SERINC3: variants seen among roughly 807,000 people sequenced by gnomAD.
SERINC3 encodes serine incorporator 3, also known as tumor differentially expressed protein 1.
In SERINC3, 22 loss-of-function variants were observed where a neutral mutation model predicts 52.1. That is an observed-to-expected ratio of 0.42 (90% CI 0.30 to 0.60). The LOEUF (loss-of-function observed/expected upper bound fraction) is 0.60, where lower values mean the gene tolerates loss of function less well. Among genes scored for constraint, SERINC3 ranks in the 20% least tolerant of loss-of-function variants. The pLI is 0.16. For missense variants in SERINC3, 564 were observed against 584.6 expected, an observed-to-expected ratio of 0.96 and a Z score of 0.36; for synonymous variants, 226 against 212.7, an observed-to-expected ratio of 1.06 and a Z score of -0.54.
chr20:44,509,508 G>A (rs2064334126), intron 5 of SERINC3, among the ~76,000 whole-genome samples: 1 of 152,060 alleles, frequency 6.6e-6, no homozygotes, highest in Non-Finnish European at 1.5e-5. Context: ...TGGAAATTGT[G>A]GATTTTTTTC....
chr20:44,506,875 C>G lies in SERINC3; in HGVS notation c.735G>C (p.Leu245=). 1.9e-6 allele frequency: 3 copies of G among 1,597,746 alleles called. No individual in the cohort carries two copies. Among genetic ancestry groups the G allele is most frequent in the Non-Finnish European group, 1.7e-6 (2 of 1,172,424 alleles). Residue 245 remains leucine, a synonymous_variant, in exon 6 of 10, where the codon CTG becomes CTC. Transcript: ENST00000342374. ...TAATAGAAGCCACAACGCAAAGGAT[C>G]AGGTTAATACTGATGAAGAACTTGT... ...TENKFFISIN[L]ILCVVASIIS... is the part of the protein sequence containing the mutation.
rs543734675 is a variant in SERINC3 at position 44,499,747 on chromosome 20, T to C, written c.*549A>G. ...ACTCAAGATGTAGAAGCAGTAGCCA[T>C]ATCAGCAACCATTCTTCTAGGGAAG... On this transcript the variant is annotated 3_prime_UTR_variant, in exon 10 of 10. Transcript: ENST00000342374. 3.3e-5 allele frequency: 5 copies of C among 152,488 alleles called. No homozygotes were observed. Among genetic ancestry groups the C allele is most frequent in the African/African-American group, 1.2e-4 (5 of 41,580 alleles). 9.4% of individuals were successfully genotyped at this position (152,488 alleles called of 1,614,324 possible).
intron 1 of SERINC3, among the ~76,000 whole-genome samples, chr20:44,515,176 A>C (rs2064372493): frequency 6.6e-6 from 1 of 152,176 alleles, no homozygotes; most frequent in African/African-American, 2.4e-5. Context: ...CAACATGATG[A>C]AATCCCATCT....
intron 3 of SERINC3, 21 bp from the exon 4 acceptor site, chr20:44,511,389 AT>A: frequency 1.3e-6 from 2 of 1,504,964 alleles, no homozygotes; most frequent in Non-Finnish European, 1.8e-6. Flanking sequence ...ATAAAAATGC[AT>A]TTATGAAATG....
chr20:44,506,700 G>A, intron 6 of SERINC3, 127 bp downstream of exon 6: 2 of 433,050 alleles, frequency 4.6e-6, no homozygotes, highest in Non-Finnish European at 7.4e-6. Flanking sequence ...GAATTATGAA[G>A]ACTTTATAAT....
chr20:44,506,916 C>G lies in SERINC3; in HGVS notation c.694G>C (p.Asp232His). 1 of 1,613,678 alleles carries G rather than the reference C, an allele frequency of 6.2e-7. No individual in the cohort carries two copies. The highest frequency in any genetic ancestry group is 8.5e-7 in the Non-Finnish European group (1 of 1,179,798). Residue 232 changes from aspartate (D) to histidine (H), a missense_variant, in exon 6 of 10, where the codon GAT becomes CAT. Coordinates refer to ENST00000342374, the MANE Select transcript of SERINC3 (RefSeq NM_006811.4). ...AAGAACTTGTTTTCTGTGCAGCCAT[C>G]TGGTTTGGTGTAATATGTATAGAGC... ...GLLYTYYTKP[D>H]GCTENKFFIS...
intron 1 of SERINC3, among the ~76,000 whole-genome samples, chr20:44,517,713 G>A (rs1452202180): frequency 1.3e-5 from 2 of 152,144 alleles, no homozygotes; most frequent in Admixed American, 6.6e-5. Flanking sequence ...GAAATCACTG[G>A]GTTTAAGCCA....
chr20:44,521,111 T>C (rs1045518307), intron 1 of SERINC3, among the ~76,000 whole-genome samples: 1 of 152,226 alleles, frequency 6.6e-6, no homozygotes, highest in Non-Finnish European at 1.5e-5. Context: ...GTCAAAAGTG[T>C]GTTGTGAGTA....
chr20:44,506,801 G>T (rs1180671872), intron 6 of SERINC3, 26 bp downstream of exon 6: 1 of 1,502,452 alleles, frequency 6.7e-7, no homozygotes, highest in Non-Finnish European at 8.9e-7. Context: ...CCTTTCACAG[G>T]AGAAAGAAGT....
intron 6 of SERINC3, among the ~76,000 whole-genome samples, chr20:44,506,451 T>G (rs1026106164): frequency 2.0e-5 from 3 of 150,898 alleles, no homozygotes. Flanking sequence ...CCAGGCCCGG[T>G]GGTGGCTGCC....
At chr20:44,496,722 A>AGGT (rs2064251309), downstream of SERINC3, among the ~76,000 whole-genome samples, 1 of 152,164 alleles carries the variant, frequency 6.6e-6, no homozygotes, top group Non-Finnish European at 1.5e-5. Flanking sequence ...TGAACATGGG[A>AGGT]GGTGGAGGTT....
intron 7 of SERINC3, 26 bp downstream of exon 7, chr20:44,504,775 T>C: frequency 6.5e-7 from 1 of 1,534,598 alleles, no homozygotes; most frequent in Admixed American, 1.7e-5. Flanking sequence ...TTTTATCAAA[T>C]GAATGTGTTA....
At chr20:44,517,539 G>C in intron 1 of SERINC3, among the ~76,000 whole-genome samples, 1 of 151,160 alleles carries the variant, frequency 6.6e-6, no homozygotes, top group Non-Finnish European at 1.5e-5. Flanking sequence ...GCCATGTGAA[G>C]GCAGAGATCT....
chr20:44,509,999 C>A lies in SERINC3; in HGVS notation c.505G>T (p.Ala169Ser), dbSNP rs770724189. The A allele has an allele frequency of 1.9e-6, 3 of 1,613,808 alleles. No individual in the cohort carries two copies. The highest frequency in any genetic ancestry group is 2.7e-5 in the African/African-American group (2 of 74,910). Residue 169 changes from alanine (A) to serine (S), a missense_variant, in exon 5 of 10, where the codon GCC becomes TCC. Ala to Ser is a moderately conservative substitution (Grantham distance 99). Coordinates refer to ENST00000342374, the MANE Select transcript of SERINC3 (RefSeq NM_006811.4). ...ACCAGCTGAATGAGGATGAAGAGGG[C>A]GGCCCCTATCATGCCAACAACAAAC... is the stretch of plus-strand genomic sequence containing the variant. ...VWFVVGMIGAALFILIQLVLL... is the reference protein window; with the variant it reads ...VWFVVGMIGASLFILIQLVLL...
intron 1 of SERINC3, among the ~76,000 whole-genome samples, chr20:44,521,181 AT>A (rs2064414269): frequency 6.6e-6 from 1 of 152,252 alleles, no homozygotes; most frequent in African/African-American, 2.4e-5. Context: ...CAGCTGGAGA[AT>A]GAGGAATCAA....
chr20:44,512,130 C>T (rs946900199), intron 3 of SERINC3, among the ~76,000 whole-genome samples: 25 of 151,862 alleles, frequency 1.6e-4, no homozygotes, highest in African/African-American at 5.6e-4. Context: ...CTGGCCAACA[C>T]GGTGAAACCC....
chr20:44,518,079 G>T (rs2064391647), intron 1 of SERINC3, among the ~76,000 whole-genome samples: 1 of 151,962 alleles, frequency 6.6e-6, no homozygotes, highest in Non-Finnish European at 1.5e-5. Flanking sequence ...AGTATCCTTA[G>T]CTATCACCTT....
chr20:44,512,182 A>C (rs1260099571), intron 3 of SERINC3, among the ~76,000 whole-genome samples: 1 of 152,076 alleles, frequency 6.6e-6, no homozygotes, highest in Non-Finnish European at 1.5e-5. Context: ...GCATGGTGGC[A>C]GGTGCCTATA....
intron 8 of SERINC3, 82 bp from the exon 9 acceptor site, chr20:44,501,382 T>C: frequency 9.0e-7 from 1 of 1,114,784 alleles, no homozygotes; most frequent in Non-Finnish European, 1.3e-6. Flanking sequence ...ACAAGACACT[T>C]ACTGCTGAGC....
Sources: gnomAD v4.1 joint callset for allele counts (sites outside exome capture counted in the v4.1 genomes callset) on GRCh38, gnomAD v4.1.1 for gene constraint, MANE v1.5 for transcripts, NCBI Gene and HGNC (gene_info 2026-07-23, HGNC 2026-07-21) for gene names.